The following COL15A1 variants were observed in gnomAD, a reference collection of about 807,000 sequenced individuals.
The protein encoded by COL15A1 is collagen alpha-1(XV) chain.
COL15A1 carries 111 observed loss-of-function variants against 165.9 expected under a neutral mutation model. The observed-to-expected ratio is 0.67, with a 90% CI of 0.57 to 0.78. The LOEUF is 0.78. Ranked by LOEUF, COL15A1 falls within the 30% of genes least tolerant of loss-of-function variation. The pLI, the probability that COL15A1 is intolerant of heterozygous loss-of-function variation, is 0.00. For missense variants in COL15A1, 1,745 were observed against 1,789.7 expected, an observed-to-expected ratio of 0.98 and a Z score of 0.45; for synonymous variants, 659 against 674.8, an observed-to-expected ratio of 0.98 and a Z score of 0.36.
intron 2 of COL15A1, among the ~76,000 whole-genome samples, chr9:98,964,637 T>C (rs1647246082): frequency 6.6e-6 from 1 of 152,178 alleles, no homozygotes; most frequent in Non-Finnish European, 1.5e-5. Flanking sequence ...ATGCATTCCT[T>C]TCTACATTGG....
At position 98,985,674 on chromosome 9, in the gene COL15A1, G is replaced by T; in HGVS notation, c.210G>T (p.Gly70=). 1 of 1,614,246 alleles carries T rather than the reference G, an allele frequency of 6.2e-7. No homozygotes were observed. The change falls in exon 3 of 42, where the codon GGG becomes GGT. Residue 70 remains glycine (G), a synonymous_variant. Coordinates refer to ENST00000375001, the MANE Select transcript of COL15A1 (RefSeq NM_001855.5). ...GTGGCTTCCCGGCCTACAGTTTCGG[G>T]CCTGGTGCCAATGTTGGCCGCCCAG... ...GYGGFPAYSF[G]PGANVGRPAR... is the part of the protein sequence containing the mutation.
At chr9:99,014,027 G>A (rs1010601595) in intron 9 of COL15A1, among the ~76,000 whole-genome samples, 65 of 152,080 alleles carry the variant, frequency 4.3e-4, no homozygotes, top group Non-Finnish European at 2.5e-4. Flanking sequence ...ATTCAGAGAG[G>A]TCTTGTTACC....
chr9:98,997,151 A>G (rs1564039785), intron 6 of COL15A1, 70 bp downstream of exon 6: 4 of 1,570,872 alleles, frequency 2.5e-6, no homozygotes, highest in Non-Finnish European at 2.6e-6. Context: ...AGCCGGGGCC[A>G]TGTATGTAAC....
chr9:98,953,889 A>G (rs1397026139), intron 2 of COL15A1, among the ~76,000 whole-genome samples: 1 of 152,236 alleles, frequency 6.6e-6, no homozygotes, highest in Non-Finnish European at 1.5e-5. Flanking sequence ...GAAGTCTTCA[A>G]AATGGTCTGT....
At chr9:98,996,316 C>A (rs1012454030) in intron 5 of COL15A1, among the ~76,000 whole-genome samples, 4 of 152,142 alleles carry the variant, frequency 2.6e-5, no homozygotes, top group African/African-American at 9.7e-5. Context: ...TGCTTGGGTC[C>A]AGGGGTGATG....
chr9:99,038,706 G>C lies in COL15A1; in HGVS notation c.2448G>C (p.Ser816=), dbSNP rs760671676. Residue 816 remains serine (S), a synonymous_variant, in exon 22 of 42, where the codon TCG becomes TCC. Coordinates refer to ENST00000375001, the MANE Select transcript of COL15A1 (RefSeq NM_001855.5). ...INITHGFMNF[S]DIPELVGPPG... is the part of the protein sequence containing the mutation. ...TCACCCATGGATTCATGAATTTCTC[G>C]GACATTCCTGAGCTGGTGGGGCCTC... 6.2e-7 allele frequency: 1 copy of C among 1,611,070 alleles called. No homozygotes were observed. Among genetic ancestry groups the C allele is most frequent in the South Asian group, 1.1e-5 (1 of 90,974 alleles).
intron 2 of COL15A1, among the ~76,000 whole-genome samples, chr9:98,980,389 G>A (rs1234945464): frequency 2.0e-5 from 3 of 152,232 alleles, no homozygotes; most frequent in African/African-American, 7.2e-5. Context: ...GGTGAAGCGA[G>A]ATTTCAGGGG....
intron 2 of COL15A1, among the ~76,000 whole-genome samples, chr9:98,975,519 G>A (rs1340335704): frequency 6.6e-6 from 1 of 152,208 alleles, no homozygotes; most frequent in East Asian, 1.9e-4. Context: ...CTGTGTGGAA[G>A]GAAAACCTGA....
chr9:98,996,287 G>A (rs994140275), intron 5 of COL15A1, among the ~76,000 whole-genome samples: 5 of 152,302 alleles, frequency 3.3e-5, no homozygotes, highest in South Asian at 2.1e-4. Flanking sequence ...GCTGACAAGC[G>A]CTGGGTCCCG....
chr9:98,947,703 T>TTC (rs1301346079), intron 2 of COL15A1, among the ~76,000 whole-genome samples: 2 of 152,058 alleles, frequency 1.3e-5, no homozygotes, highest in African/African-American at 4.8e-5. Flanking sequence ...GGGTCCAGAG[T>TTC]TCTGCCTGCA....
chr9:98,965,294 T>C (rs545346045), intron 2 of COL15A1, among the ~76,000 whole-genome samples: 13 of 152,332 alleles, frequency 8.5e-5, no homozygotes, highest in African/African-American at 3.1e-4. Flanking sequence ...TTTGAGGCTC[T>C]CTGACTCCAG....
intron 16 of COL15A1, among the ~76,000 whole-genome samples, chr9:99,031,773 A>C (rs12684344): frequency 0.15 from 22,906 of 152,160 alleles, 2,089 homozygotes; most frequent in African/African-American, 0.24. Context: ...TTAAAATTAA[A>C]ATTAAATTGT....
At chr9:98,986,237 G>C (rs1838311706) in intron 3 of COL15A1, 125 bp downstream of exon 3, 6 of 794,510 alleles carry the variant, frequency 7.6e-6, no homozygotes, top group Admixed American at 5.8e-5. Context: ...TGCGTGTTAT[G>C]ATGGGAAATA....
At chr9:99,028,916 G>A (rs1363266945) in intron 16 of COL15A1, among the ~76,000 whole-genome samples, 1 of 152,160 alleles carries the variant, frequency 6.6e-6, no homozygotes, top group Non-Finnish European at 1.5e-5. Flanking sequence ...TGCTGAGTTC[G>A]ATGATAGAAA....
In COL15A1 at chr9:99,054,670, T is replaced by C. The variant is rs1389964152; in HGVS notation, c.3031+14T>C. 6.3e-7 allele frequency: 1 copy of C among 1,598,944 alleles called. No homozygotes were observed. The highest frequency in any genetic ancestry group is 2.2e-5 in the East Asian group (1 of 44,756). On this transcript the variant is annotated intron_variant, in intron 32 of 41. Coordinates refer to ENST00000375001, the MANE Select transcript of COL15A1 (RefSeq NM_001855.5). The stretch of plus-strand genomic sequence containing the variant: ...AGGGACCACCAGGTATTCCAGCTCT[T>C]GTTCTCAATCTTGCCTTTGATTTTT...
intron 6 of COL15A1, among the ~76,000 whole-genome samples, chr9:98,998,291 A>G (rs1328262395): frequency 6.6e-6 from 1 of 152,218 alleles, no homozygotes; most frequent in Non-Finnish European, 1.5e-5. Context: ...ACATATCACT[A>G]TTCTTTTTGC....
At chr9:98,998,287 C>T (rs1425300729) in intron 6 of COL15A1, among the ~76,000 whole-genome samples, 3 of 152,178 alleles carry the variant, frequency 2.0e-5, no homozygotes, top group African/African-American at 7.2e-5. Flanking sequence ...TAATACATAT[C>T]ACTATTCTTT....
chr9:99,004,878 C>A lies in COL15A1; in HGVS notation c.1201-20C>A. 1 of 1,613,886 alleles carries A rather than the reference C, an allele frequency of 6.2e-7. No individual in the cohort carries two copies. Among genetic ancestry groups the A allele is most frequent in the South Asian group, 1.1e-5 (1 of 91,072 alleles). On this transcript the variant is annotated intron_variant, in intron 8 of 41. Coordinates refer to ENST00000375001, the MANE Select transcript of COL15A1 (RefSeq NM_001855.5). ...AGCATCATGGGGCACTGACGCGGTT[C>A]CTGTTGACTTTCTATTCAGGGTCCA...
chr9:99,035,344 C>T lies in COL15A1; in HGVS notation c.2221-6C>T, dbSNP rs1839282769. 6.2e-7 allele frequency: 1 copy of T among 1,614,164 alleles called. No individual in the cohort carries two copies. Among genetic ancestry groups the T allele is most frequent in the East Asian group, 2.2e-5 (1 of 44,882 alleles). On this transcript the variant is annotated splice_region_variant and splice_polypyrimidine_tract_variant and intron_variant, in intron 18 of 41. Transcript: ENST00000375001. ...TCTGAAATTCTCATTCTTGCTCCTT[C>T]CCCAGGATACCGAAGGCTCTGGAAG...
Sources: gnomAD v4.1 joint callset for allele counts (sites outside exome capture counted in the v4.1 genomes callset) on GRCh38, gnomAD v4.1.1 for gene constraint, MANE v1.5 for transcripts, NCBI Gene and HGNC (gene_info 2026-07-23, HGNC 2026-07-21) for gene names.